NUP214: variants seen among roughly 807,000 people sequenced by gnomAD.
NUP214 encodes the protein nuclear pore complex protein Nup214.
In NUP214, 79 loss-of-function variants were observed where a neutral mutation model predicts 196.2. The observed-to-expected ratio is 0.40, with a 90% CI of 0.34 to 0.49. The LOEUF is 0.49. NUP214 is among the 20% of genes least tolerant of loss of function. The pLI, the probability that NUP214 is intolerant of heterozygous loss-of-function variation, is 0.58. For missense variants in NUP214, 2,468 were observed against 2,539.0 expected, an observed-to-expected ratio of 0.97 and a Z score of 0.60; for synonymous variants, 1,020 against 990.5, an observed-to-expected ratio of 1.03 and a Z score of -0.56.
At chr9:131,148,492 T>C (rs1176951656) in intron 14 of NUP214, among the ~76,000 whole-genome samples, 3 of 152,200 alleles carry the variant, frequency 2.0e-5, no homozygotes, top group African/African-American at 7.2e-5. Flanking sequence ...GTGAGATTGC[T>C]GGGTCATAGA....
chr9:131,175,393 C>T lies in NUP214; in HGVS notation c.3158-67C>T, dbSNP rs1402783206. The T allele has an allele frequency of 2.6e-6, 4 of 1,558,854 alleles. No individual in the cohort carries two copies. The African/African-American group carries it at 4.1e-5, about 16-fold the overall frequency. ...CCTGCAGTCGAACATAAAGAATTTA[C>T]CAATTTAACCTTTTGTATTTTCCTG... On this transcript the variant is annotated intron_variant, in intron 22 of 35. Coordinates refer to ENST00000359428, the MANE Select transcript of NUP214 (RefSeq NM_005085.4).
Position 131,197,332 on chromosome 9 carries a change from G to C in NUP214, c.3838G>C (p.Ala1280Pro), listed in dbSNP as rs771257806. The C allele has an allele frequency of 1.2e-6, 2 of 1,613,964 alleles. No individual in the cohort carries two copies. The highest frequency in any genetic ancestry group is 2.7e-5 in the African/African-American group (2 of 74,886). ...CTCACCTCCCTCAGGAATCACATCC[G>C]CATCAAACACCACCCCAGGAGAACC... ...ESSPPSGITS[A>P]SNTTPGEPAA... is the part of the protein sequence containing the mutation. Residue 1280 changes from alanine to proline, a missense_variant, in exon 29 of 36, where the codon GCA becomes CCA. Physicochemically the swap from Ala to Pro is conservative, Grantham distance 27. Around this residue, in one of 5 missense-constraint regions of NUP214, gnomAD observed 1,801 missense variants for 1,779.4 expected, o/e 1.01. Transcript: ENST00000359428.
rs1831431066 is a variant in NUP214, at chr9:131,128,429, C to T, written c.339C>T (p.Ser113=). 2.5e-6 allele frequency: 4 copies of T among 1,613,736 alleles called. No homozygotes were observed. The African/African-American group carries it at 5.3e-5, about 22-fold the overall frequency. The change falls in exon 3 of 36, where the codon TCC becomes TCT. Residue 113 remains serine, a synonymous_variant. Transcript: ENST00000359428. ...DNLTLSACMM[S]SEYGSIIAFF... is the part of the protein sequence containing the mutation. ...TCACACTCTCTGCGTGCATGATGTC[C>T]AGTGAATATGGTTCCATTATTGCTT...
chr9:131,194,701 G>C (rs1564203537), intron 27 of NUP214, among the ~76,000 whole-genome samples: 1 of 152,228 alleles, frequency 6.6e-6, no homozygotes, highest in Non-Finnish European at 1.5e-5. Context: ...GTAAAACTCA[G>C]TTCTGTCAAA....
chr9:131,209,575 G>T (rs1360099633), intron 30 of NUP214, among the ~76,000 whole-genome samples: 1 of 152,002 alleles, frequency 6.6e-6, no homozygotes, highest in Non-Finnish European at 1.5e-5. Context: ...TGTATTTTTA[G>T]TAGAGTTGGA....
At chr9:131,167,354 T>G (rs1832813381) in intron 21 of NUP214, 1 of 152,240 alleles carries the variant, frequency 6.6e-6, no homozygotes, top group Admixed American at 6.5e-5. Flanking sequence ...AGGATTCTAT[T>G]GTATGAATAT....
intron 30 of NUP214, among the ~76,000 whole-genome samples, chr9:131,209,113 C>G (rs754526411): frequency 4.6e-5 from 7 of 152,046 alleles, no homozygotes; most frequent in Admixed American, 6.5e-5. Flanking sequence ...GCACACACAC[C>G]TGTGATCCCA....
intron 24 of NUP214, among the ~76,000 whole-genome samples, chr9:131,183,141 G>T (rs184868634): frequency 6.6e-6 from 1 of 152,224 alleles, no homozygotes; most frequent in Non-Finnish European, 1.5e-5. Context: ...CTGGAGTGCA[G>T]TGGTGCGATT....
intron 6 of NUP214, 176 bp downstream of exon 6, chr9:131,132,835 C>CTG (rs1011645974): frequency 3.6e-4 from 227 of 634,240 alleles, no homozygotes; most frequent in Non-Finnish European, 8.0e-5. Flanking sequence ...TGGGTGACAT[C>CTG]TGTGTTTCAC....
chr9:131,192,971 C>CTTACTGCA (rs1282998675), intron 27 of NUP214, among the ~76,000 whole-genome samples: 1 of 127,860 alleles, frequency 7.8e-6, no homozygotes, highest in African/African-American at 2.9e-5. Flanking sequence ...AAAAAAAAGG[C>CTTACTGCA]TTACTGCATC....
chr9:131,192,041 G>A (rs1833615710), intron 26 of NUP214, 167 bp from the exon 27 acceptor site: 1 of 476,518 alleles, frequency 2.1e-6, no homozygotes, highest in Non-Finnish European at 3.7e-6. Flanking sequence ...ACACAAGTGA[G>A]GCAACGTGCT....
intron 17 of NUP214, among the ~76,000 whole-genome samples, chr9:131,158,177 C>T (rs185172521): frequency 1.3e-5 from 2 of 152,292 alleles, no homozygotes; most frequent in South Asian, 2.1e-4. Context: ...CTCCTGTGTT[C>T]AAGTGATTCT....
At position 131,198,157 on chromosome 9, in the gene NUP214, G is replaced by A. The variant is rs1261041205; in HGVS notation, c.4663G>A (p.Ala1555Thr). 1.2e-6 allele frequency: 2 copies of A among 1,614,084 alleles called. No homozygotes were observed. The highest frequency in any genetic ancestry group is 1.7e-6 in the Non-Finnish European group (2 of 1,180,038). The part of the protein sequence containing the change: ...QPAVSNSGTA[A>T]SSTSLVALSA... ...TGCAGTCAGCAACTCTGGCACTGCA[G>A]CATCTAGTACTAGTCTTGTAGCACT... Residue 1555 changes from alanine (A) to threonine (T), a missense_variant, in exon 29 of 36, where the codon GCA (alanine) becomes ACA (threonine). Physicochemically the swap from Ala to Thr is moderately conservative, Grantham distance 58 (BLOSUM62 0). Coordinates refer to ENST00000359428, the MANE Select transcript of NUP214 (RefSeq NM_005085.4).
At chr9:131,155,995 G>GT (rs1199349366) in intron 17 of NUP214, among the ~76,000 whole-genome samples, 1 of 152,020 alleles carries the variant, frequency 6.6e-6, no homozygotes, top group Non-Finnish European at 1.5e-5. Context: ...TTTTAGGATT[G>GT]TTTTTTCTAG....
intron 24 of NUP214, among the ~76,000 whole-genome samples, chr9:131,181,065 G>A (rs1833265591): frequency 6.6e-6 from 1 of 152,216 alleles, no homozygotes; most frequent in African/African-American, 2.4e-5. Flanking sequence ...GGAAAGGTTA[G>A]AGAGTATTGT....
At chr9:131,161,859 G>C (rs181180812) in intron 18 of NUP214, among the ~76,000 whole-genome samples, 17 of 152,158 alleles carry the variant, frequency 1.1e-4, no homozygotes, top group Non-Finnish European at 2.4e-4. Flanking sequence ...ACACCTAGGC[G>C]CTTATGGTGT....
intron 6 of NUP214, 138 bp from the exon 7 acceptor site, chr9:131,132,968 G>A (rs1376323431): frequency 1.4e-6 from 1 of 712,146 alleles, no homozygotes; most frequent in Non-Finnish European, 2.4e-6. Flanking sequence ...CATTGTACCT[G>A]TGCATTATAT....
intron 21 of NUP214, chr9:131,167,397 A>G (rs374787412): frequency 6.6e-6 from 1 of 152,322 alleles, no homozygotes; most frequent in South Asian, 2.1e-4. Flanking sequence ...CCTGTTGGAC[A>G]TGTGCTGCTT....
chr9:131,200,712 T>TA (rs1833916610), intron 29 of NUP214, among the ~76,000 whole-genome samples: 1 of 151,858 alleles, frequency 6.6e-6, no homozygotes, highest in South Asian at 2.1e-4. Flanking sequence ...CCATCTCCAT[T>TA]AAAAAAAGAA....
Sources: gnomAD v4.1 joint callset for allele counts (sites outside exome capture counted in the v4.1 genomes callset) on GRCh38, gnomAD v4.1.1 for gene constraint, gnomAD v4.1.1 regional missense constraint, MANE v1.5 for transcripts, NCBI Gene and HGNC (gene_info 2026-07-23, HGNC 2026-07-21) for gene names.